Variants in ROBO2 observed in about 807,000 individuals in gnomAD.
The protein encoded by ROBO2 is roundabout guidance receptor 2, also known as roundabout homolog 2.
Under a neutral mutation model 160.8 loss-of-function variants are expected in ROBO2, and 53 were observed. The ratio of observed to expected loss-of-function variants is 0.33; its 90% CI spans 0.26 to 0.41. The LOEUF (loss-of-function observed/expected upper bound fraction) is 0.41, where lower values mean the gene tolerates loss of function less well. Ranked by LOEUF, ROBO2 falls within the 10% of genes least tolerant of loss-of-function variation. The pLI is 1.00. For synonymous variants in ROBO2, 664 were observed against 611.7 expected, an observed-to-expected ratio of 1.09 and a Z score of -1.26; for missense variants, 1,577 against 1,722.4, an observed-to-expected ratio of 0.92 and a Z score of 1.49.
chr3:76,078,507 A>T (rs2108009908), intron 2 of ROBO2, among the ~76,000 whole-genome samples: 1 of 152,234 alleles, frequency 6.6e-6, no homozygotes, highest in Non-Finnish European at 1.5e-5. Flanking sequence ...CTAGGACTAC[A>T]GACACACACC....
chr3:76,692,917 T>C (rs1377601718), intron 2 of ROBO2, among the ~76,000 whole-genome samples: 2 of 151,460 alleles, frequency 1.3e-5, no homozygotes, highest in Non-Finnish European at 2.9e-5. Context: ...ATAGTGTGTG[T>C]GTATCTATAT....
intron 2 of ROBO2, among the ~76,000 whole-genome samples, chr3:77,442,384 A>G (rs1000668866): frequency 2.0e-5 from 3 of 152,076 alleles, no homozygotes; most frequent in Admixed American, 6.6e-5. Flanking sequence ...ATTCAAAGAG[A>G]GAGTATGGTC....
At chr3:76,578,185 T>C (rs2085431693) in intron 2 of ROBO2, among the ~76,000 whole-genome samples, 1 of 152,066 alleles carries the variant, frequency 6.6e-6, no homozygotes, top group Admixed American at 6.6e-5. Context: ...TCGTCATGAG[T>C]GTTAAATAAA....
At chr3:76,991,178 C>A (rs2060645758) in intron 2 of ROBO2, among the ~76,000 whole-genome samples, 1 of 152,148 alleles carries the variant, frequency 6.6e-6, no homozygotes, top group Admixed American at 6.5e-5. Flanking sequence ...CAGTAAAATT[C>A]TCTCTTCTGA....
intron 2 of ROBO2, among the ~76,000 whole-genome samples, chr3:76,261,852 C>T (rs1030274944): frequency 6.6e-6 from 1 of 151,964 alleles, no homozygotes; most frequent in Non-Finnish European, 1.5e-5. Flanking sequence ...TTGAGAAAGA[C>T]CATCATATAA....
At chr3:77,376,805 G>A (rs1419733118) in intron 2 of ROBO2, among the ~76,000 whole-genome samples, 2 of 152,152 alleles carry the variant, frequency 1.3e-5, no homozygotes, top group African/African-American at 4.8e-5. Context: ...TCTGAAACAT[G>A]TGTGACTTTG....
At chr3:76,580,352 T>TTTGTTTTTTTTTG (rs2085615393) in intron 2 of ROBO2, among the ~76,000 whole-genome samples, 1 of 145,414 alleles carries the variant, frequency 6.9e-6, no homozygotes, top group African/African-American at 2.6e-5. Flanking sequence ...GTTTTTTTTT[T>TTTGTTTTTTTTTG]TGTTTTTTTT....
At chr3:76,425,314 T>G (rs1447893169) in intron 2 of ROBO2, among the ~76,000 whole-genome samples, 1 of 152,124 alleles carries the variant, frequency 6.6e-6, no homozygotes, top group Non-Finnish European at 1.5e-5. Flanking sequence ...TATACTAAAG[T>G]TATTCATCGT....
At chr3:76,002,154 C>A (rs988516462) in intron 2 of ROBO2, among the ~76,000 whole-genome samples, 1 of 152,124 alleles carries the variant, frequency 6.6e-6, no homozygotes, top group Non-Finnish European at 1.5e-5. Flanking sequence ...GGAAATACAG[C>A]CTTTGCAGAT....
At chr3:77,344,737 A>G (rs1297111331) in intron 2 of ROBO2, among the ~76,000 whole-genome samples, 2 of 152,138 alleles carry the variant, frequency 1.3e-5, no homozygotes, top group Admixed American at 1.3e-4. Flanking sequence ...TAGAGCAGTA[A>G]GACATTGAAT....
At chr3:77,142,381 C>T (rs1371509721) in intron 2 of ROBO2, among the ~76,000 whole-genome samples, 4 of 152,118 alleles carry the variant, frequency 2.6e-5, no homozygotes, top group Admixed American at 6.5e-5. Flanking sequence ...GATAAGAACA[C>T]GTACACTGAC....
chr3:75,951,371 CTCCT>C (rs975210024), intron 2 of ROBO2, among the ~76,000 whole-genome samples: 4 of 152,022 alleles, frequency 2.6e-5, no homozygotes, highest in African/African-American at 9.7e-5. Flanking sequence ...GTCTCTGTCT[CTCCT>C]TCATCTACTC....
At chr3:76,193,851 C>T (rs1233175514) in intron 2 of ROBO2, among the ~76,000 whole-genome samples, 1 of 152,068 alleles carries the variant, frequency 6.6e-6, no homozygotes, top group South Asian at 2.1e-4. Context: ...AGACTATTTA[C>T]CATTTTATTG....
At chr3:76,088,981 T>C (rs2069124208) in intron 2 of ROBO2, among the ~76,000 whole-genome samples, 1 of 151,940 alleles carries the variant, frequency 6.6e-6, no homozygotes, top group South Asian at 2.1e-4. Context: ...AGCACACGAA[T>C]TACCAATATC....
At chr3:77,122,307 C>T (rs1042663897) in intron 2 of ROBO2, among the ~76,000 whole-genome samples, 2 of 152,124 alleles carry the variant, frequency 1.3e-5, no homozygotes, top group Non-Finnish European at 2.9e-5. Context: ...AAAATGTAGA[C>T]TCTTTGATTT....
intron 2 of ROBO2, among the ~76,000 whole-genome samples, chr3:77,143,472 A>G (rs1441333012): frequency 6.6e-6 from 1 of 152,122 alleles, no homozygotes; most frequent in African/African-American, 2.4e-5. Flanking sequence ...CTGGGATTAC[A>G]GGTGTCAGCC....
At chr3:77,216,177 G>C (rs2151148043) in intron 2 of ROBO2, among the ~76,000 whole-genome samples, 1 of 152,266 alleles carries the variant, frequency 6.6e-6, no homozygotes, top group East Asian at 1.9e-4. Context: ...CCCAGAGGTG[G>C]GGTCTACAGA....
exon 26 of ROBO2, chr3:77,646,303 C>T (rs1346104063): frequency 7.7e-6 from 3 of 389,050 alleles, no homozygotes; most frequent in East Asian, 3.8e-5. Context: ...CAAAACTCGC[C>T]CTACAGGAAG....
At chr3:76,393,907 G>C (rs1473675684) in intron 2 of ROBO2, among the ~76,000 whole-genome samples, 1 of 152,170 alleles carries the variant, frequency 6.6e-6, no homozygotes, top group Non-Finnish European at 1.5e-5. Flanking sequence ...GCCTAGATTT[G>C]TTAATAGGGA....
Sources: gnomAD v4.1 joint callset for allele counts (sites outside exome capture counted in the v4.1 genomes callset) on GRCh38, gnomAD v4.1.1 for gene constraint, MANE v1.5 for transcripts, NCBI Gene and HGNC (gene_info 2026-07-23, HGNC 2026-07-21) for gene names.